The following SORCS1 variants were observed in gnomAD, a reference collection of about 807,000 sequenced individuals.
SORCS1 encodes the protein sortilin related VPS10 domain containing receptor 1, also known as VPS10 domain-containing receptor SorCS1.
Under a neutral mutation model 146.1 loss-of-function variants are expected in SORCS1, and 60 were observed. That is an observed-to-expected ratio of 0.41 (90% CI 0.33 to 0.51). SORCS1 has a LOEUF of 0.51. Among genes scored for constraint, SORCS1 ranks in the 20% least tolerant of loss-of-function variants. The pLI is 0.21. For missense variants in SORCS1, 1,352 were observed against 1,487.6 expected (o/e 0.91, Z 1.50); for synonymous variants, 637 against 584.0 (o/e 1.09, Z -1.31).
At chr10:106,898,999 A>G (rs1951594906) in intron 2 of SORCS1, among the ~76,000 whole-genome samples, 1 of 152,152 alleles carries the variant, frequency 6.6e-6, no homozygotes, top group Non-Finnish European at 1.5e-5. Context: ...TTAGATTTAC[A>G]TGGTCCTTAG....
chr10:106,916,575 TAC>T (rs59313831), intron 2 of SORCS1, among the ~76,000 whole-genome samples: 5,769 of 142,696 alleles, frequency 0.04, 193 homozygotes, highest in African/African-American at 0.091. Context: ...TGCATATATA[TAC>T]ACACACACAC....
intron 1 of SORCS1, among the ~76,000 whole-genome samples, chr10:107,052,342 G>A (rs758829684): frequency 2.6e-5 from 4 of 152,100 alleles, no homozygotes; most frequent in African/African-American, 4.8e-5. Flanking sequence ...TTGCATCTCA[G>A]GTAACTGAAC....
chr10:106,814,648 C>T (rs1359072964), intron 3 of SORCS1, among the ~76,000 whole-genome samples: 2 of 152,108 alleles, frequency 1.3e-5, no homozygotes, highest in Non-Finnish European at 2.9e-5. Flanking sequence ...GGCGCAGTCG[C>T]TCACACCTGT....
chr10:106,706,701 C>T (rs1455874721), intron 7 of SORCS1, 67 bp from the exon 8 acceptor site: 1 of 1,426,538 alleles, frequency 7.0e-7, no homozygotes, highest in Non-Finnish European at 9.9e-7. Flanking sequence ...ACAGAACAGT[C>T]ACCTGAATGG....
intron 3 of SORCS1, among the ~76,000 whole-genome samples, chr10:106,801,931 G>A (rs1270948524): frequency 6.6e-6 from 1 of 152,202 alleles, no homozygotes; most frequent in African/African-American, 2.4e-5. Flanking sequence ...AGGATTGAAT[G>A]TAGTTAGTTT....
At chr10:106,586,774 A>G (rs1432778887) in intron 24 of SORCS1, among the ~76,000 whole-genome samples, 1 of 152,168 alleles carries the variant, frequency 6.6e-6, no homozygotes, top group East Asian at 1.9e-4. Context: ...TGGGCAACAT[A>G]GCAACACCCT....
intron 5 of SORCS1, among the ~76,000 whole-genome samples, chr10:106,741,086 T>C (rs1390409114): frequency 6.6e-6 from 1 of 152,198 alleles, no homozygotes; most frequent in Non-Finnish European, 1.5e-5. Context: ...AGAGATTAAC[T>C]AGTTCAAATA....
At chr10:106,730,006 A>C in intron 6 of SORCS1, 44 bp downstream of exon 6, 1 of 1,568,754 alleles carries the variant, frequency 6.4e-7, no homozygotes, top group South Asian at 1.1e-5. Flanking sequence ...AGAGTCATAG[A>C]ACTAATATTA....
chr10:106,822,333 C>T (rs1340339339), intron 3 of SORCS1, among the ~76,000 whole-genome samples: 2 of 152,062 alleles, frequency 1.3e-5, no homozygotes, highest in African/African-American at 4.8e-5. Context: ...TGTCTTAGAT[C>T]AGTGTTGTTT....
chr10:106,954,425 A>G (rs954869858), intron 2 of SORCS1, among the ~76,000 whole-genome samples: 4 of 152,096 alleles, frequency 2.6e-5, no homozygotes, highest in Admixed American at 2.0e-4. Context: ...ATGCACAAAA[A>G]ATTATACTTT....
intron 3 of SORCS1, among the ~76,000 whole-genome samples, chr10:106,783,582 G>T (rs1289552605): frequency 6.6e-6 from 1 of 152,106 alleles, no homozygotes; most frequent in Admixed American, 6.6e-5. Flanking sequence ...AAAAGAGACA[G>T]CAAGAAGAAA....
intron 2 of SORCS1, among the ~76,000 whole-genome samples, chr10:106,937,766 C>G (rs941379977): frequency 6.6e-6 from 1 of 151,970 alleles, no homozygotes; most frequent in African/African-American, 2.4e-5. Context: ...GAGTTTGTGA[C>G]CAGCCTGGCC....
At chr10:107,039,798 G>C (rs1959079597) in intron 1 of SORCS1, among the ~76,000 whole-genome samples, 1 of 152,180 alleles carries the variant, frequency 6.6e-6, no homozygotes, top group Non-Finnish European at 1.5e-5. Flanking sequence ...ACAGAATATA[G>C]TAAAATAAGG....
chr10:107,169,982 A>C, the SORCS1 span, among the ~76,000 whole-genome samples: 1 of 152,214 alleles, frequency 6.6e-6, no homozygotes, highest in African/African-American at 2.4e-5. Context: ...TCACATATGC[A>C]TATATATTTT....
At chr10:106,940,955 G>C (rs2138744022) in intron 2 of SORCS1, among the ~76,000 whole-genome samples, 1 of 152,304 alleles carries the variant, frequency 6.6e-6, no homozygotes, top group South Asian at 2.1e-4. Flanking sequence ...CACAAAAGAT[G>C]GTCCTTGTGG....
chr10:106,931,907 C>T (rs1953440055), intron 2 of SORCS1, among the ~76,000 whole-genome samples: 2 of 152,154 alleles, frequency 1.3e-5, no homozygotes, highest in Admixed American at 6.5e-5. Context: ...GATAAATGCA[C>T]TGCAAATGCT....
intron 1 of SORCS1, among the ~76,000 whole-genome samples, chr10:107,095,272 G>A (rs369185875): frequency 2.1e-4 from 32 of 152,254 alleles, no homozygotes; most frequent in African/African-American, 7.5e-4. Context: ...GAAACAGAAG[G>A]CAATCTGTCT....
intron 1 of SORCS1, among the ~76,000 whole-genome samples, chr10:107,072,680 C>T (rs558976620): frequency 3.3e-5 from 5 of 150,374 alleles, no homozygotes; most frequent in African/African-American, 4.9e-5. Context: ...GCATTATTTG[C>T]GTTAACTCTA....
In SORCS1 at chr10:106,923,055, T is replaced by C. The variant is rs1952797368; in HGVS notation, c.626+33458A>G. 2.0e-5 allele frequency among the ~76,000 whole-genome samples: 3 copies of C among 152,198 alleles called. No homozygotes were observed. The South Asian group carries it at 6.2e-4, about 32-fold the overall frequency. On this transcript the variant is annotated intron_variant, in intron 2 of 25. Transcript: ENST00000263054. The stretch of plus-strand genomic sequence containing the variant: ...AGGCGCACACGCCACCACACCCAGC[T>C]AATTTTTGTACTTTTAGTAGAGACG...
Sources: gnomAD v4.1 joint callset for allele counts (sites outside exome capture counted in the v4.1 genomes callset) on GRCh38, gnomAD v4.1.1 for gene constraint, MANE v1.5 for transcripts, NCBI Gene and HGNC (gene_info 2026-07-23, HGNC 2026-07-21) for gene names.